PXDNL: variants seen among roughly 807,000 people sequenced by gnomAD.
The protein encoded by PXDNL is probable oxidoreductase PXDNL.
Under a neutral mutation model 150.8 loss-of-function variants are expected in PXDNL, and 145 were observed. The ratio of observed to expected loss-of-function variants is 0.96; its 90% confidence interval spans 0.84 to 1.10. PXDNL has a LOEUF of 1.10. Ranked by LOEUF, PXDNL falls within the 50% of genes least tolerant of loss-of-function variation. PXDNL has a pLI of 0.00. For missense variants in PXDNL, 2,087 were observed against 1,873.9 expected, an observed-to-expected ratio of 1.11 and a Z score of -2.10; for synonymous variants, 757 against 725.7, an observed-to-expected ratio of 1.04 and a Z score of -0.69.
At chr8:51,514,178 C>T (rs1295752054) in intron 4 of PXDNL, among the ~76,000 whole-genome samples, 2 of 152,116 alleles carry the variant, frequency 1.3e-5, no homozygotes, top group Non-Finnish European at 2.9e-5. Context: ...TTTATCTCAG[C>T]TGGAGCCATG....
chr8:51,749,995 C>T (rs1001070393), intron 1 of PXDNL, among the ~76,000 whole-genome samples: 14 of 152,106 alleles, frequency 9.2e-5, no homozygotes, highest in African/African-American at 2.4e-4. Context: ...CCACCAGGCC[C>T]GGTCCACTAA....
chr8:51,685,265 G>A (rs1355074758), intron 1 of PXDNL, among the ~76,000 whole-genome samples: 2 of 152,106 alleles, frequency 1.3e-5, no homozygotes, highest in African/African-American at 4.8e-5. Context: ...CTAGATTAAT[G>A]TCTGCTGGGA....
chr8:51,739,646 G>A (rs986974962), intron 1 of PXDNL, among the ~76,000 whole-genome samples: 17 of 151,964 alleles, frequency 1.1e-4, no homozygotes, highest in African/African-American at 1.5e-4. Context: ...AGGCCGAGGC[G>A]GGTGGATCAC....
chr8:51,754,834 T>G (rs1286857614), intron 1 of PXDNL, among the ~76,000 whole-genome samples: 1 of 152,140 alleles, frequency 6.6e-6, no homozygotes, highest in Non-Finnish European at 1.5e-5. Flanking sequence ...AGGTCATTTT[T>G]AACAAGTAGT....
chr8:51,714,086 G>C (rs1816557079), intron 1 of PXDNL, among the ~76,000 whole-genome samples: 1 of 152,144 alleles, frequency 6.6e-6, no homozygotes, highest in Non-Finnish European at 1.5e-5. Flanking sequence ...AGTACATTGA[G>C]TTCAACTCCT....
chr8:51,617,462 T>C (rs530708465), intron 2 of PXDNL, among the ~76,000 whole-genome samples: 5 of 152,364 alleles, frequency 3.3e-5, no homozygotes, highest in African/African-American at 1.2e-4. Flanking sequence ...GTCTTGGTTG[T>C]TTCACTGCCA....
intron 3 of PXDNL, among the ~76,000 whole-genome samples, chr8:51,570,028 T>C (rs1812901660): frequency 6.6e-6 from 1 of 151,996 alleles, no homozygotes. Flanking sequence ...AACTTCCTCA[T>C]TTCTTAGTTA....
chr8:51,752,650 G>A (rs2037057954), intron 1 of PXDNL, among the ~76,000 whole-genome samples: 2 of 101,606 alleles, frequency 2.0e-5, no homozygotes, highest in South Asian at 8.1e-4. Context: ...GCCCCCACCT[G>A]CACAGTAAGG....
intron 4 of PXDNL, among the ~76,000 whole-genome samples, chr8:51,540,827 T>A (rs1812198965): frequency 6.6e-6 from 1 of 152,228 alleles, no homozygotes; most frequent in Admixed American, 6.5e-5. Context: ...TTATTTCTTT[T>A]TTCAGTTGTA....
At chr8:51,373,675 A>T (rs114759492) in intron 18 of PXDNL, among the ~76,000 whole-genome samples, 1,537 of 152,314 alleles carry the variant, frequency 0.01, 18 homozygotes, top group African/African-American at 0.034. Context: ...AATAATTTTT[A>T]TTGTAACTTT....
chr8:51,592,593 C>G, intron 3 of PXDNL, 34 bp downstream of exon 3: 1 of 1,360,550 alleles, frequency 7.3e-7, no homozygotes. Context: ...TCAAACAACA[C>G]CATAAGGCAT....
chr8:51,787,716 A>G (rs769389020), intron 1 of PXDNL, among the ~76,000 whole-genome samples: 33 of 152,358 alleles, frequency 2.2e-4, no homozygotes, highest in Admixed American at 1.7e-3. Context: ...AAGCATTTAG[A>G]ATATTACATC....
rs78830016 is a variant in PXDNL, at chr8:51,449,066, A to G, written c.1302T>C (p.His434=). The change falls in exon 11 of 23, where the codon CAT becomes CAC. Residue 434 remains histidine, a synonymous_variant. Coordinates refer to ENST00000356297, the MANE Select transcript of PXDNL (RefSeq NM_144651.5). ...CAGCTTCACAGAGCCACTCTACAGC[A>G]TGTTCTTCCAGCACCACTTGATCCT... ...TPKDQVVLEE[H]AVEWLCEADG... 4,132 of 1,553,342 alleles carry G rather than the reference A, an allele frequency of 2.7e-3. 84 individuals carry two copies. In the African/African-American group the frequency reaches 0.048, roughly 18 times the overall value.
intron 1 of PXDNL, among the ~76,000 whole-genome samples, chr8:51,762,158 G>A (rs185943262): frequency 1.0e-3 from 155 of 152,224 alleles, no homozygotes; most frequent in African/African-American, 3.5e-3. Context: ...TATCTAAGGG[G>A]CCTGGGGAGT....
At chr8:51,347,370 G>A (rs910704772) in intron 19 of PXDNL, among the ~76,000 whole-genome samples, 4 of 152,146 alleles carry the variant, frequency 2.6e-5, no homozygotes, top group Admixed American at 1.3e-4. Flanking sequence ...ATGCTATAAT[G>A]CTAGACAAAA....
At chr8:51,637,916 G>T (rs1410119203) in intron 2 of PXDNL, among the ~76,000 whole-genome samples, 1 of 152,154 alleles carries the variant, frequency 6.6e-6, no homozygotes, top group Non-Finnish European at 1.5e-5. Context: ...CACCAAAGTT[G>T]AAATGAAGGA....
chr8:51,560,091 G>T (rs1217045964), intron 3 of PXDNL, among the ~76,000 whole-genome samples: 2 of 151,774 alleles, frequency 1.3e-5, no homozygotes, highest in African/African-American at 4.8e-5. Context: ...AGCTACCTAG[G>T]AATAAACTTA....
intron 4 of PXDNL, among the ~76,000 whole-genome samples, chr8:51,516,900 A>G (rs1307493424): frequency 6.6e-6 from 1 of 152,232 alleles, no homozygotes; most frequent in African/African-American, 2.4e-5. Context: ...AAGAATTAGA[A>G]GCTAGCAAGC....
chr8:51,687,128 T>C (rs117307773), intron 1 of PXDNL, among the ~76,000 whole-genome samples: 83 of 152,142 alleles, frequency 5.5e-4, no homozygotes, highest in Non-Finnish European at 9.4e-4. Flanking sequence ...TATTAAAGAG[T>C]CTTAGGAAGT....
Sources: gnomAD v4.1 joint callset for allele counts (sites outside exome capture counted in the v4.1 genomes callset) on GRCh38, gnomAD v4.1.1 for gene constraint, MANE v1.5 for transcripts, NCBI Gene and HGNC (gene_info 2026-07-23, HGNC 2026-07-21) for gene names.